The following LAMA1 variants were observed in gnomAD, a reference collection of about 807,000 sequenced individuals.
The protein encoded by LAMA1 is laminin subunit alpha-1.
A neutral mutation model predicts 348.7 loss-of-function variants in LAMA1; 219 were observed. The observed-to-expected ratio is 0.63, with a 90% CI of 0.56 to 0.70. The LOEUF is 0.70. Among genes scored for constraint, LAMA1 ranks in the 30% least tolerant of loss-of-function variants. LAMA1 has a pLI of 0.00. For missense variants in LAMA1, 3,744 were observed against 3,888.0 expected (o/e 0.96, Z 0.99); for synonymous variants, 1,487 against 1,491.0 (o/e 1.00, Z 0.06).
In LAMA1 at chr18:7,017,179, G is replaced by A. The variant is rs576672948; in HGVS notation, c.2808+99C>T. 6 of 930,774 alleles carry A rather than the reference G, an allele frequency of 6.4e-6. No individual in the cohort carries two copies. The East Asian group carries it at 1.3e-4, about 20-fold the overall frequency. 57.7% of individuals were successfully genotyped at this position (930,774 alleles called of 1,614,324 possible). The stretch of plus-strand genomic sequence containing the variant: ...GGGTAGTATCTCTATAGCAGTGTGA[G>A]AACAAACTAATACACTTGGGGACTT... On this transcript the variant is annotated intron_variant, in intron 20 of 62. Coordinates refer to ENST00000389658, the MANE Select transcript of LAMA1 (RefSeq NM_005559.4).
At chr18:6,981,569 T>C (rs1347339023) in intron 41 of LAMA1, among the ~76,000 whole-genome samples, 1 of 152,238 alleles carries the variant, frequency 6.6e-6, no homozygotes. Context: ...CCAATTTCAC[T>C]ACCTATGAAG....
intron 54 of LAMA1, among the ~76,000 whole-genome samples, 197 bp downstream of exon 54, chr18:6,959,144 T>C (rs1463997729): frequency 1.3e-5 from 2 of 152,166 alleles, no homozygotes; most frequent in Admixed American, 6.5e-5. Flanking sequence ...TGTTTAATTA[T>C]AAAAATTCTA....
rs140000031 is a variant in LAMA1, at chr18:6,975,262, G to A, written c.6490-226C>T. 6.5e-3 allele frequency among the ~76,000 whole-genome samples: 990 copies of A among 152,286 alleles called. 4 individuals carry two copies. Among genetic ancestry groups the A allele is most frequent in the Non-Finnish European group, 0.01 (711 of 68,018 alleles). ...ACATTAGCGCCTCCCTGCGTGCCTG[G>A]CATGGCCCTCCTCAATGTCTCCCAC... is the stretch of plus-strand genomic sequence containing the variant. On this transcript the variant is annotated intron_variant, in intron 45 of 62. Coordinates refer to ENST00000389658, the MANE Select transcript of LAMA1 (RefSeq NM_005559.4).
At chr18:6,955,991 C>T (rs528066411) in intron 56 of LAMA1, 44 of 311,208 alleles carry the variant, frequency 1.4e-4, no homozygotes, top group Non-Finnish European at 2.3e-4. Context: ...CAACCATCTG[C>T]GGGCTGTCCT....
chr18:7,039,970 A>C, intron 10 of LAMA1, 106 bp downstream of exon 10: 1 of 1,335,762 alleles, frequency 7.5e-7, no homozygotes, highest in Non-Finnish European at 1.1e-6. Flanking sequence ...TTCTGCTTAA[A>C]CCTTACCACT....
At chr18:7,066,347 C>A (rs907535390) in intron 3 of LAMA1, among the ~76,000 whole-genome samples, 1 of 152,120 alleles carries the variant, frequency 6.6e-6, no homozygotes, top group African/African-American at 2.4e-5. Flanking sequence ...GGTAAGGTAT[C>A]AGATTTTTAA....
At chr18:7,044,077 A>G (rs1192351088) in intron 7 of LAMA1, among the ~76,000 whole-genome samples, 1 of 150,062 alleles carries the variant, frequency 6.7e-6, no homozygotes, top group Non-Finnish European at 1.5e-5. Flanking sequence ...AATGGCATGA[A>G]GCATGAACCT....
chr18:7,039,542 G>A lies in LAMA1; in HGVS notation c.1422+534C>T, dbSNP rs75091458. 2.5e-3 allele frequency among the ~76,000 whole-genome samples: 378 copies of A among 152,216 alleles called. 1 individual carries two copies. Among genetic ancestry groups the A allele is most frequent in the African/African-American group, 8.8e-3 (367 of 41,524 alleles). On this transcript the variant is annotated intron_variant, in intron 10 of 62. Transcript: ENST00000389658. ...TTTAATGTTAATCTGGTTCTCTTCC[G>A]AATACAAAGCTGGAAAAGAATACCA...
intron 1 of LAMA1, among the ~76,000 whole-genome samples, chr18:7,085,457 C>T (rs554350556): frequency 7.2e-5 from 9 of 124,854 alleles, no homozygotes; most frequent in South Asian, 2.6e-4. Context: ...CTTGCTCTGT[C>T]GCCCAGGCTG....
At chr18:7,105,037 G>A (rs1415746558) in intron 1 of LAMA1, among the ~76,000 whole-genome samples, 1 of 152,190 alleles carries the variant, frequency 6.6e-6, no homozygotes, top group Non-Finnish European at 1.5e-5. Flanking sequence ...GATATGGAAA[G>A]GAAAATGGCT....
At chr18:6,956,417 G>T (rs1466141182) in intron 56 of LAMA1, 5 of 726,368 alleles carry the variant, frequency 6.9e-6, no homozygotes, top group Non-Finnish European at 1.2e-5. Flanking sequence ...CGGCCTGGGT[G>T]TTGGGGCCTA....
chr18:7,092,533 G>A (rs1355737955), intron 1 of LAMA1, among the ~76,000 whole-genome samples: 1 of 151,780 alleles, frequency 6.6e-6, no homozygotes, highest in Non-Finnish European at 1.5e-5. Flanking sequence ...GCTGAGGCAG[G>A]AGAATCACTT....
At chr18:7,107,212 G>A (rs1216914433) in intron 1 of LAMA1, among the ~76,000 whole-genome samples, 4 of 149,674 alleles carry the variant, frequency 2.7e-5, no homozygotes, top group Non-Finnish European at 5.9e-5. Context: ...TCCGCCTGCC[G>A]GGTTCACGCC....
intron 1 of LAMA1, among the ~76,000 whole-genome samples, chr18:7,109,700 T>G (rs573083901): frequency 1.5e-4 from 23 of 152,214 alleles, no homozygotes; most frequent in Admixed American, 1.2e-3. Context: ...TGGAAGCTAA[T>G]AGTTCAGCTA....
chr18:7,069,293 G>A (rs948867856), intron 3 of LAMA1, among the ~76,000 whole-genome samples: 5 of 152,076 alleles, frequency 3.3e-5, no homozygotes, highest in African/African-American at 9.7e-5. Flanking sequence ...CTCACTTATC[G>A]TTAAAAGAAC....
At chr18:6,987,438 A>C (rs1483118834) in intron 36 of LAMA1, among the ~76,000 whole-genome samples, 1 of 152,248 alleles carries the variant, frequency 6.6e-6, no homozygotes, top group Admixed American at 6.5e-5. Flanking sequence ...AATTGACAAA[A>C]AGATATGATT....
chr18:6,984,263 C>A (rs1170490800), intron 39 of LAMA1, among the ~76,000 whole-genome samples: 3 of 152,152 alleles, frequency 2.0e-5, no homozygotes, highest in Non-Finnish European at 4.4e-5. Flanking sequence ...GTGAACTAAT[C>A]TTTTATGTCA....
chr18:6,975,881 A>C, intron 45 of LAMA1, 56 bp downstream of exon 45: 1 of 1,610,696 alleles, frequency 6.2e-7, no homozygotes, highest in Non-Finnish European at 8.5e-7. Flanking sequence ...AAAATTCAGA[A>C]AAATCTAGAA....
At chr18:7,031,797 C>T (rs1340103485) in intron 16 of LAMA1, among the ~76,000 whole-genome samples, 1 of 149,864 alleles carries the variant, frequency 6.7e-6, no homozygotes, top group Non-Finnish European at 1.5e-5. Flanking sequence ...CAAATAAAAA[C>T]AATTACTTTA....
Sources: gnomAD v4.1 joint callset for allele counts (sites outside exome capture counted in the v4.1 genomes callset) on GRCh38, gnomAD v4.1.1 for gene constraint, MANE v1.5 for transcripts, NCBI Gene and HGNC (gene_info 2026-07-23, HGNC 2026-07-21) for gene names.